ZNF600: variants seen among roughly 807,000 people sequenced by gnomAD.
The protein encoded by ZNF600 is zinc finger protein KR-ZNF1.
Under a neutral mutation model 7.3 loss-of-function variants are expected in ZNF600, and 4 were observed. The ratio of observed to expected loss-of-function variants is 0.55; its 90% CI spans 0.27 to 1.25. The LOEUF (loss-of-function observed/expected upper bound fraction) is 1.25, where lower values mean the gene tolerates loss of function less well. Ranked by LOEUF, ZNF600 falls within the 50% of genes most tolerant of loss-of-function variation. ZNF600 has a pLI of 0.12. For missense variants in ZNF600, 911 were observed against 922.1 expected, an observed-to-expected ratio of 0.99 and a Z score of 0.16; for synonymous variants, 290 against 308.9, an observed-to-expected ratio of 0.94 and a Z score of 0.64.
At chr19:52,796,691 T>C in the ZNF600 span, among the ~76,000 whole-genome samples, 1 of 152,222 alleles carries the variant, frequency 6.6e-6, no homozygotes, top group Non-Finnish European at 1.5e-5. Context: ...TGGTCTTGAA[T>C]ACCGGGGCTC....
chr19:52,777,694 G>A (rs2062687309), intron 2 of ZNF600, among the ~76,000 whole-genome samples: 1 of 151,960 alleles, frequency 6.6e-6, no homozygotes, highest in Non-Finnish European at 1.5e-5. Flanking sequence ...GCTGGGTGTG[G>A]TGGTGCATCC....
chr19:52,807,113 C>T, the ZNF600 span, among the ~76,000 whole-genome samples: 1 of 152,140 alleles, frequency 6.6e-6, no homozygotes, highest in Admixed American at 6.6e-5. Context: ...AATACATTCC[C>T]ACCCATCTGG....
chr19:52,813,197 C>G, the ZNF600 span, among the ~76,000 whole-genome samples: 72 of 136,914 alleles, frequency 5.3e-4, no homozygotes, highest in Middle Eastern at 3.8e-3. Flanking sequence ...TTAGGACTAC[C>G]CAGCAGTCTT....
At chr19:52,817,491 A>G in the ZNF600 span, among the ~76,000 whole-genome samples, 4 of 152,160 alleles carry the variant, frequency 2.6e-5, no homozygotes, top group African/African-American at 9.6e-5. Context: ...AATTACCTAA[A>G]AATGTGGTAT....
At chr19:52,810,435 T>A in the ZNF600 span, 1 of 1,600,672 alleles carries the variant, frequency 6.2e-7, no homozygotes, top group Non-Finnish European at 8.6e-7. Context: ...TCCCAAAGGG[T>A]TTGCATATAT....
intron 3 of ZNF600, among the ~76,000 whole-genome samples, chr19:52,770,195 A>C (rs1478358276): frequency 1.3e-5 from 2 of 152,136 alleles, no homozygotes; most frequent in Non-Finnish European, 2.9e-5. Flanking sequence ...TAATCCCAGT[A>C]CTTTGGGAGG....
the ZNF600 span, chr19:52,810,746 AAAG>A: frequency 3.1e-6 from 2 of 652,204 alleles, no homozygotes; most frequent in African/African-American, 2.3e-5. Flanking sequence ...AAAAAAGAGG[AAAG>A]AAGGGGAAAA....
At chr19:52,786,420 C>T (rs1198449449) in intron 1 of ZNF600, among the ~76,000 whole-genome samples, 175 bp downstream of exon 1, 1 of 152,290 alleles carries the variant, frequency 6.6e-6, no homozygotes, top group East Asian at 1.9e-4. Context: ...GGCTGGAATC[C>T]ACCTCGCGGG....
the ZNF600 span, among the ~76,000 whole-genome samples, chr19:52,817,348 G>T: frequency 6.6e-6 from 1 of 152,082 alleles, no homozygotes; most frequent in African/African-American, 2.4e-5. Context: ...CTCCAGCCTG[G>T]ATAACAAGAG....
chr19:52,818,002 T>C, the ZNF600 span: 2 of 1,610,156 alleles, frequency 1.2e-6, no homozygotes, highest in Non-Finnish European at 1.7e-6. Flanking sequence ...GGTTTCTTCC[T>C]CACGTACCAA....
the ZNF600 span, among the ~76,000 whole-genome samples, chr19:52,811,285 C>G: frequency 5.9e-5 from 9 of 151,596 alleles, no homozygotes; most frequent in African/African-American, 2.2e-4. Context: ...CCCAAAGAGC[C>G]GAGATTGCAG....
chr19:52,822,660 C>G, the ZNF600 span, among the ~76,000 whole-genome samples: 1 of 152,124 alleles, frequency 6.6e-6, no homozygotes, highest in African/African-American at 2.4e-5. Context: ...CAGCCTTGGT[C>G]GCACATAGTT....
chr19:52,818,498 A>C, the ZNF600 span, among the ~76,000 whole-genome samples: 1 of 152,052 alleles, frequency 6.6e-6, no homozygotes, highest in Non-Finnish European at 1.5e-5. Context: ...GGATTACTTG[A>C]GGTCAGGAGT....
chr19:52,779,612 C>T (rs1174386391), intron 1 of ZNF600, among the ~76,000 whole-genome samples: 2 of 152,154 alleles, frequency 1.3e-5, no homozygotes, highest in African/African-American at 4.8e-5. Context: ...AATCTTCGAG[C>T]CCCAACTCAC....
chr19:52,827,645 T>C, the ZNF600 span, among the ~76,000 whole-genome samples: 57 of 151,812 alleles, frequency 3.8e-4, no homozygotes, highest in Middle Eastern at 3.4e-3. Flanking sequence ...CCCAGGTTCA[T>C]GCCATTTTTC....
chr19:52,788,237 A>C (rs1416290162), upstream of ZNF600, among the ~76,000 whole-genome samples: 1 of 152,188 alleles, frequency 6.6e-6, no homozygotes, highest in African/African-American at 2.4e-5. Context: ...CAAACGTGTG[A>C]GGCAGGATGC....
the ZNF600 span, among the ~76,000 whole-genome samples, chr19:52,803,426 A>C: frequency 6.6e-6 from 1 of 152,190 alleles, no homozygotes; most frequent in African/African-American, 2.4e-5. Context: ...ATTGCATACC[A>C]CATACCGAAA....
the ZNF600 span, among the ~76,000 whole-genome samples, chr19:52,828,311 C>A: frequency 6.6e-6 from 1 of 152,022 alleles, no homozygotes; most frequent in African/African-American, 2.4e-5. Context: ...CTCAACCCCC[C>A]AAAGTCCTAG....
chr19:52,801,106 C>T, the ZNF600 span: 8 of 1,614,108 alleles, frequency 5.0e-6, no homozygotes, highest in Non-Finnish European at 5.9e-6. Flanking sequence ...TTGCCATATA[C>T]ATCACATTTA....
Sources: allele counts gnomAD v4.1 joint callset (sites outside exome capture counted in the v4.1 genomes callset), GRCh38; gene constraint gnomAD v4.1.1; transcripts MANE v1.5; gene names NCBI Gene and HGNC (gene_info 2026-07-23, HGNC 2026-07-21).